Variants in TMEM132C observed in about 807,000 individuals in gnomAD.
The protein encoded by TMEM132C is protein phosphatase 1, regulatory subunit 152.
TMEM132C carries 29 observed loss-of-function variants against 61.4 expected under a neutral mutation model. That is an observed-to-expected ratio of 0.47 (90% CI 0.35 to 0.64). The LOEUF (loss-of-function observed/expected upper bound fraction) is 0.64, where lower values mean the gene tolerates loss of function less well. TMEM132C is among the 30% of genes least tolerant of loss of function. The probability of loss-of-function intolerance (pLI) is 0.00; values close to 1 mark genes in which losing one functional copy is unlikely to be tolerated. For missense variants in TMEM132C, 1,408 were observed against 1,476.9 expected, an observed-to-expected ratio of 0.95 and a Z score of 0.76; for synonymous variants, 656 against 633.1, an observed-to-expected ratio of 1.04 and a Z score of -0.54.
At chr12:128,364,514 G>A (rs1873804621) in intron 1 of TMEM132C, among the ~76,000 whole-genome samples, 1 of 152,158 alleles carries the variant, frequency 6.6e-6, no homozygotes, top group Non-Finnish European at 1.5e-5. Context: ...TGCAGACAAA[G>A]TTTCTCATGG....
chr12:128,646,828 T>C (rs1342062480), intron 4 of TMEM132C, among the ~76,000 whole-genome samples: 1 of 151,142 alleles, frequency 6.6e-6, no homozygotes, highest in Non-Finnish European at 1.5e-5. Context: ...TCCATCGGCA[T>C]TGGATGTGAG....
intron 1 of TMEM132C, among the ~76,000 whole-genome samples, chr12:128,335,477 T>C (rs189171147): frequency 2.0e-5 from 3 of 152,322 alleles, no homozygotes; most frequent in East Asian, 1.9e-4. Context: ...TAACTGCCCG[T>C]CATTATATTG....
At chr12:128,686,051 G>A (rs949641829) in intron 5 of TMEM132C, among the ~76,000 whole-genome samples, 1 of 147,654 alleles carries the variant, frequency 6.8e-6, no homozygotes, top group Admixed American at 6.7e-5. Context: ...GCGCGTGTGT[G>A]CATGTGTGTG....
At chr12:128,494,081 G>C (rs1871851641) in intron 2 of TMEM132C, among the ~76,000 whole-genome samples, 1 of 152,166 alleles carries the variant, frequency 6.6e-6, no homozygotes, top group South Asian at 2.1e-4. Context: ...TTTTGTCAAA[G>C]GCCTTTTCTG....
At chr12:128,451,609 A>G (rs1870177085) in intron 2 of TMEM132C, among the ~76,000 whole-genome samples, 1 of 152,214 alleles carries the variant, frequency 6.6e-6, no homozygotes, top group Non-Finnish European at 1.5e-5. Context: ...ATGTATTGCG[A>G]CACTGACTAA....
intron 4 of TMEM132C, among the ~76,000 whole-genome samples, chr12:128,665,556 C>T (rs372434472): frequency 6.9e-4 from 93 of 134,488 alleles, no homozygotes; most frequent in East Asian, 4.0e-3. Context: ...AAAATACAGG[C>T]GCACACACAC....
intron 3 of TMEM132C, among the ~76,000 whole-genome samples, chr12:128,577,638 C>T (rs1358329436): frequency 1.3e-5 from 2 of 152,248 alleles, no homozygotes; most frequent in Non-Finnish European, 2.9e-5. Flanking sequence ...CCGGTGCACT[C>T]TGCTTTTATT....
intron 3 of TMEM132C, among the ~76,000 whole-genome samples, chr12:128,579,921 G>A (rs143042671): frequency 6.6e-6 from 1 of 151,228 alleles, no homozygotes; most frequent in African/African-American, 2.4e-5. Context: ...GAACTGCTCT[G>A]GACCTGGATA....
At chr12:128,441,689 C>T (rs1447470925) in intron 2 of TMEM132C, among the ~76,000 whole-genome samples, 1 of 152,180 alleles carries the variant, frequency 6.6e-6, no homozygotes, top group Non-Finnish European at 1.5e-5. Flanking sequence ...GTTGGAGGCT[C>T]AACCTGAACA....
chr12:128,454,953 G>A (rs1006648632), intron 2 of TMEM132C, among the ~76,000 whole-genome samples: 2 of 152,226 alleles, frequency 1.3e-5, no homozygotes, highest in East Asian at 1.9e-4. Context: ...GCATAGAGCA[G>A]GTGGGGTTGA....
At chr12:128,528,196 C>T (rs1486255125) in intron 2 of TMEM132C, among the ~76,000 whole-genome samples, 1 of 152,262 alleles carries the variant, frequency 6.6e-6, no homozygotes, top group Admixed American at 6.5e-5. Context: ...TTTTGTCTTC[C>T]GTTGGCCAGC....
chr12:128,297,779 A>G (rs566383456), intron 1 of TMEM132C, among the ~76,000 whole-genome samples: 15 of 152,340 alleles, frequency 9.8e-5, no homozygotes, highest in African/African-American at 2.9e-4. Flanking sequence ...ATTTTTCAAA[A>G]AAAAGTTAAA....
chr12:128,286,848 C>T (rs932474049), intron 1 of TMEM132C, among the ~76,000 whole-genome samples: 1 of 152,002 alleles, frequency 6.6e-6, no homozygotes, highest in African/African-American at 2.4e-5. Flanking sequence ...GAGGGAGTGC[C>T]GGGCACGTGA....
chr12:128,342,587 C>A (rs1905945), intron 1 of TMEM132C, among the ~76,000 whole-genome samples: 4 of 34,670 alleles, frequency 1.2e-4, no homozygotes, highest in South Asian at 1.2e-3. Context: ...CCCTCCTTTT[C>A]TTCTGTTCTG....
At chr12:128,277,354 A>G (rs1870728113) in intron 1 of TMEM132C, among the ~76,000 whole-genome samples, 1 of 152,126 alleles carries the variant, frequency 6.6e-6, no homozygotes, top group Admixed American at 6.5e-5. Flanking sequence ...TGCTGTCTTC[A>G]TTTTGGAGAG....
chr12:128,614,477 T>C (rs1876733723), intron 3 of TMEM132C, among the ~76,000 whole-genome samples: 1 of 151,906 alleles, frequency 6.6e-6, no homozygotes. Flanking sequence ...AAAAAAACTG[T>C]TGGAGACTTG....
intron 1 of TMEM132C, 38 bp from the exon 2 acceptor site, chr12:128,414,694 T>C (rs1389435975): frequency 6.8e-7 from 1 of 1,477,924 alleles, no homozygotes; most frequent in Admixed American, 2.3e-5. Flanking sequence ...AATAATCCTG[T>C]CTTTGTCTTT....
intron 1 of TMEM132C, among the ~76,000 whole-genome samples, chr12:128,300,655 G>T (rs543629771): frequency 5.3e-5 from 8 of 152,150 alleles, no homozygotes; most frequent in Admixed American, 1.3e-4. Flanking sequence ...CTCATTCCAA[G>T]CTGGACCAAG....
chr12:128,667,614 C>G (rs1315503112), intron 4 of TMEM132C, among the ~76,000 whole-genome samples: 7 of 152,216 alleles, frequency 4.6e-5, no homozygotes, highest in Admixed American at 1.3e-4. Flanking sequence ...AATTGCTTCC[C>G]TGGAGAAAGA....
Sources: gnomAD v4.1 joint callset for allele counts (sites outside exome capture counted in the v4.1 genomes callset) on GRCh38, gnomAD v4.1.1 for gene constraint, MANE v1.5 for transcripts, NCBI Gene and HGNC (gene_info 2026-07-23, HGNC 2026-07-21) for gene names.